ENO4: variants seen among roughly 807,000 people sequenced by gnomAD.
ENO4 encodes the protein 2-phospho-D-glycerate hydro-lyase.
In ENO4, 53 loss-of-function variants were observed where a neutral mutation model predicts 63.2. That is an observed-to-expected ratio of 0.84 (90% confidence interval 0.67 to 1.05). ENO4 has a LOEUF of 1.05. ENO4 is among the 50% of genes least tolerant of loss of function. ENO4 has a pLI of 0.00. For synonymous variants in ENO4, 266 were observed against 283.8 expected (o/e 0.94, Z 0.63); for missense variants, 719 against 772.0 (o/e 0.93, Z 0.81).
Position 116,880,057 on chromosome 10 carries a change from T to C in ENO4, c.1723+71T>C, listed in dbSNP as rs1589766860. The C allele has an allele frequency of 7.5e-6, 9 of 1,206,912 alleles. No homozygotes were observed. In the East Asian group the frequency reaches 2.1e-4, roughly 28 times the overall value. 74.8% of individuals were successfully genotyped at this position (1,206,912 alleles called of 1,614,324 possible). On this transcript the variant is annotated intron_variant, in intron 13 of 13. Transcript: ENST00000341276. ...AGAACAAAGATTGGAAGAGGGGGAATAGAAGTCCCTCTGCAGGAGGGCAGG... is the reference window on the plus strand; with the variant it reads ...AGAACAAAGATTGGAAGAGGGGGAACAGAAGTCCCTCTGCAGGAGGGCAGG...
At chr10:116,850,616 A>T (rs2133237861) in intron 1 of ENO4, among the ~76,000 whole-genome samples, 1 of 152,026 alleles carries the variant, frequency 6.6e-6, no homozygotes, top group South Asian at 2.1e-4. Context: ...GAAGAGGCAG[A>T]TGTGCTGTCA....
intron 10 of ENO4, among the ~76,000 whole-genome samples, chr10:116,905,518 T>G (rs960912611): frequency 3.7e-4 from 56 of 152,166 alleles, no homozygotes; most frequent in Non-Finnish European, 5.4e-4. Context: ...AAAATTTTCA[T>G]CTTCTTATAA....
At chr10:116,884,315 C>A, downstream of ENO4, 1 of 451,854 alleles carries the variant, frequency 2.2e-6, no homozygotes, top group Non-Finnish European at 4.5e-6. Context: ...AAGGGAAAAA[C>A]TGTAGGCAGA....
chr10:116,879,010 T>C (rs983948480), intron 11 of ENO4, among the ~76,000 whole-genome samples: 2 of 152,208 alleles, frequency 1.3e-5, no homozygotes, highest in African/African-American at 4.8e-5. Context: ...CCCAAAGTGC[T>C]GGGATTACAG....
At chr10:116,857,696 T>C (rs918021848) in intron 3 of ENO4, among the ~76,000 whole-genome samples, 2 of 151,490 alleles carry the variant, frequency 1.3e-5, no homozygotes, top group Non-Finnish European at 2.9e-5. Context: ...TGGAGTGCAG[T>C]GGCATGATCT....
At chr10:116,911,085 G>C (rs1445704468) in intron 10 of ENO4, among the ~76,000 whole-genome samples, 4 of 152,140 alleles carry the variant, frequency 2.6e-5, no homozygotes, top group African/African-American at 9.7e-5. Flanking sequence ...ACTGGGACTG[G>C]GACCGTAACA....
intron 1 of ENO4, among the ~76,000 whole-genome samples, chr10:116,852,325 C>T (rs76060179): frequency 0.023 from 3,565 of 152,224 alleles, 74 homozygotes; most frequent in East Asian, 0.11. Context: ...CTAAGACAGA[C>T]ATATTAGAGG....
At chr10:116,879,566 T>G (rs540558369) in intron 12 of ENO4, among the ~76,000 whole-genome samples, 1 of 152,274 alleles carries the variant, frequency 6.6e-6, no homozygotes, top group South Asian at 2.1e-4. Context: ...TGAGCACACT[T>G]AAATGACTGG....
intron 11 of ENO4, among the ~76,000 whole-genome samples, chr10:116,878,395 A>G (rs1462642546): frequency 2.0e-5 from 3 of 152,230 alleles, no homozygotes; most frequent in African/African-American, 7.2e-5. Context: ...TGCTGCAGGA[A>G]GAGCTCTGGC....
chr10:116,873,337 C>T (rs1846747859), intron 9 of ENO4, among the ~76,000 whole-genome samples: 1 of 152,138 alleles, frequency 6.6e-6, no homozygotes, highest in South Asian at 2.1e-4. Flanking sequence ...TGTTGCATTC[C>T]ACCTCCCTCC....
chr10:116,911,928 T>C, downstream of ENO4: 1 of 948,842 alleles, frequency 1.1e-6, no homozygotes, highest in Non-Finnish European at 1.7e-6. Flanking sequence ...AAACTATTAG[T>C]AGCCTTATAT....
At chr10:116,862,161 T>C (rs1248823497) in intron 6 of ENO4, among the ~76,000 whole-genome samples, 3 of 152,146 alleles carry the variant, frequency 2.0e-5, no homozygotes, top group African/African-American at 4.8e-5. Flanking sequence ...TGACATGTAT[T>C]GTGGGAAAGT....
intron 10 of ENO4, among the ~76,000 whole-genome samples, chr10:116,897,765 G>A (rs11197845): frequency 2.2e-3 from 330 of 152,134 alleles, no homozygotes; most frequent in Non-Finnish European, 3.7e-3. Flanking sequence ...ATATCTAAAC[G>A]GCAGACCCAG....
downstream of ENO4, chr10:116,884,424 C>A: frequency 2.8e-6 from 1 of 361,340 alleles, no homozygotes; most frequent in Non-Finnish European, 5.6e-6. Context: ...TTAAAAAAGG[C>A]AGGAATACTT....
chr10:116,860,762 T>C lies in ENO4; in HGVS notation c.635-32T>C, dbSNP rs1027597746. 13 of 1,313,808 alleles carry C rather than the reference T, an allele frequency of 9.9e-6. No individual in the cohort carries two copies. The African/African-American group carries it at 1.8e-4, about 18-fold the overall frequency. The allele number at this position is 1,313,808 out of a possible 1,614,324, so 81.4% of individuals were successfully genotyped here. A position where few individuals can be genotyped will look rare whatever the true frequency, so the allele number is the denominator to read the frequency against. ...CATCTGTAAGTAAAGCATTTAGAAA[T>C]ACAGTCTTACTCTCAATATTTCTCC... On this transcript the variant is annotated intron_variant, in intron 4 of 13. Coordinates refer to ENST00000341276, the MANE Select transcript of ENO4 (RefSeq NM_001242699.2).
chr10:116,873,342 C>T (rs1004649270), intron 9 of ENO4, among the ~76,000 whole-genome samples: 2 of 152,160 alleles, frequency 1.3e-5, no homozygotes, highest in African/African-American at 4.8e-5. Flanking sequence ...CATTCCACCT[C>T]CCTCCCAGTG....
intron 3 of ENO4, 122 bp from the exon 4 acceptor site, chr10:116,858,868 C>T: frequency 3.9e-6 from 2 of 519,436 alleles, no homozygotes; most frequent in Admixed American, 3.6e-5. Flanking sequence ...TTGATTTGTT[C>T]TTAAGTAGCT....
downstream of ENO4, chr10:116,884,526 A>G (rs1847108877): frequency 3.1e-6 from 1 of 325,728 alleles, no homozygotes; most frequent in Non-Finnish European, 6.1e-6. Flanking sequence ...GTATTTTGAT[A>G]ACCATATTAT....
chr10:116,884,441 T>C (rs576912164), downstream of ENO4: 24 of 356,586 alleles, frequency 6.7e-5, no homozygotes, highest in African/African-American at 4.2e-4. Context: ...ACTTTCAAAA[T>C]ACCTGTTACT....
Sources: allele counts gnomAD v4.1 joint callset (sites outside exome capture counted in the v4.1 genomes callset), GRCh38; gene constraint gnomAD v4.1.1; transcripts MANE v1.5; gene names NCBI Gene and HGNC (gene_info 2026-07-23, HGNC 2026-07-21).